Variants in CCSER1 observed in about 807,000 individuals in gnomAD.
The protein encoded by CCSER1 is coiled-coil serine rich protein 1, also known as serine-rich coiled-coil domain-containing protein 1.
In CCSER1, 41 loss-of-function variants were observed where a neutral mutation model predicts 82.0. That is an observed-to-expected ratio of 0.50 (90% CI 0.39 to 0.65). CCSER1 has a LOEUF of 0.65. Ranked by LOEUF, CCSER1 falls within the 30% of genes least tolerant of loss-of-function variation. CCSER1 has a pLI of 0.00. For synonymous variants in CCSER1, 414 were observed against 383.9 expected (o/e 1.08, Z -0.92); for missense variants, 1,119 against 1,064.2 (o/e 1.05, Z -0.72).
chr4:90,383,258 AC>A (rs1310413415), intron 3 of CCSER1, among the ~76,000 whole-genome samples: 3 of 152,194 alleles, frequency 2.0e-5, no homozygotes, highest in Non-Finnish European at 4.4e-5. Flanking sequence ...CTTAAAAAAA[AC>A]ATTTTGAAAC....
chr4:90,313,341 A>T (rs944462155), intron 3 of CCSER1, among the ~76,000 whole-genome samples: 1 of 152,162 alleles, frequency 6.6e-6, no homozygotes, highest in Non-Finnish European at 1.5e-5. Context: ...AATGCTGAAC[A>T]TGAGGCTCCC....
intron 9 of CCSER1, among the ~76,000 whole-genome samples, chr4:91,066,944 T>A (rs1720876657): frequency 6.6e-6 from 1 of 151,584 alleles, no homozygotes; most frequent in African/African-American, 2.4e-5. Context: ...GGCGGGCAGA[T>A]CACGAGGTCA....
intron 9 of CCSER1, among the ~76,000 whole-genome samples, chr4:90,948,877 G>GGCTAT (rs1326453160): frequency 2.8e-4 from 43 of 151,888 alleles, no homozygotes; most frequent in Non-Finnish European, 5.4e-4. Context: ...CTTAGGCTAT[G>GGCTAT]AACCATATAA....
At chr4:90,505,576 T>A (rs1215517896) in intron 5 of CCSER1, among the ~76,000 whole-genome samples, 4 of 152,188 alleles carry the variant, frequency 2.6e-5, no homozygotes, top group African/African-American at 9.6e-5. Context: ...TATGGTTTTT[T>A]TGATCATGTG....
At chr4:91,088,556 C>T (rs1723615491) in intron 10 of CCSER1, among the ~76,000 whole-genome samples, 1 of 152,016 alleles carries the variant, frequency 6.6e-6, no homozygotes, top group African/African-American at 2.4e-5. Context: ...TAGGTAACAC[C>T]TAAATTGCTA....
intron 6 of CCSER1, among the ~76,000 whole-genome samples, chr4:90,658,863 A>C (rs895252647): frequency 6.6e-6 from 1 of 152,214 alleles, no homozygotes; most frequent in Admixed American, 6.5e-5. Flanking sequence ...CAAACTAAAT[A>C]TCTTAGAATA....
rs764988635 is a variant in CCSER1, at chr4:90,392,868, C to T, written c.1510-7168C>T. On this transcript the variant is annotated intron_variant, in intron 3 of 10. Transcript: ENST00000509176. Reference sequence around the variant, plus strand: ...ATAAGGATTGAGTATGCTTTCTTAACGCAATCCAGAAATCAGAGCCAAATA... The same window carrying T: ...ATAAGGATTGAGTATGCTTTCTTAATGCAATCCAGAAATCAGAGCCAAATA... Among the ~76,000 whole-genome samples the T allele has an allele frequency of 6.1e-4, 92 of 152,062 alleles. 1 individual carries two copies. The highest frequency in any genetic ancestry group is 6.5e-4 in the Admixed American group (10 of 15,268).
intron 1 of CCSER1, among the ~76,000 whole-genome samples, chr4:90,192,460 A>AAT (rs1735831303): frequency 6.6e-6 from 1 of 152,020 alleles, no homozygotes; most frequent in Non-Finnish European, 1.5e-5. Context: ...TATGAGAAGC[A>AAT]ATATTTCACT....
intron 1 of CCSER1, among the ~76,000 whole-genome samples, chr4:90,177,369 A>AT (rs1457697686): frequency 6.6e-6 from 1 of 152,102 alleles, no homozygotes; most frequent in Non-Finnish European, 1.5e-5. Context: ...TATTTGAAAG[A>AT]TTCCTTAGAC....
At chr4:90,871,650 G>A (rs919554848) in intron 8 of CCSER1, among the ~76,000 whole-genome samples, 8 of 151,830 alleles carry the variant, frequency 5.3e-5, no homozygotes, top group African/African-American at 1.9e-4. Flanking sequence ...ACCATTGGAT[G>A]AAACATTCTG....
chr4:91,209,217 CTGAT>C (rs1736594988), intron 10 of CCSER1, among the ~76,000 whole-genome samples: 1 of 151,826 alleles, frequency 6.6e-6, no homozygotes, highest in Non-Finnish European at 1.5e-5. Flanking sequence ...TTTCATTTGC[CTGAT>C]TGCTCTGGCC....
rs183649625 is a variant in CCSER1 at position 90,813,415 on chromosome 4, G to A, written c.2011-2347G>A. On this transcript the variant is annotated intron_variant, in intron 7 of 10. Coordinates refer to ENST00000509176, the MANE Select transcript of CCSER1 (RefSeq NM_001145065.2). ...TGGCTCTGTGGGGTATATCCCCTGC[G>A]GCTCCTTTCACAGCCTGGTGGTGAG... Among the ~76,000 whole-genome samples the A allele has an allele frequency of 2.0e-4, 30 of 152,282 alleles. No homozygotes were observed. In the East Asian group the frequency reaches 2.9e-3, roughly 15 times the overall value.
At chr4:91,543,612 A>T (rs1578744965) in intron 10 of CCSER1, among the ~76,000 whole-genome samples, 1 of 152,110 alleles carries the variant, frequency 6.6e-6, no homozygotes, top group East Asian at 1.9e-4. Flanking sequence ...TTTCTTTAAG[A>T]ATGTTGAATA....
At chr4:90,311,211 A>T (rs1029731224) in intron 2 of CCSER1, among the ~76,000 whole-genome samples, 2 of 152,118 alleles carry the variant, frequency 1.3e-5, no homozygotes, top group African/African-American at 4.8e-5. Flanking sequence ...AAATCCAGGA[A>T]GTTTTAAAAT....
intron 6 of CCSER1, among the ~76,000 whole-genome samples, chr4:90,705,608 T>A (rs1242234438): frequency 1.3e-5 from 2 of 152,188 alleles, no homozygotes; most frequent in Admixed American, 6.5e-5. Flanking sequence ...CCTTGAGCTG[T>A]GGTGGTCTCC....
At chr4:91,095,900 A>G (rs977771823) in intron 10 of CCSER1, among the ~76,000 whole-genome samples, 4 of 152,132 alleles carry the variant, frequency 2.6e-5, no homozygotes, top group African/African-American at 7.2e-5. Context: ...CAGCTGGGAC[A>G]TGGTCCTCTA....
intron 2 of CCSER1, among the ~76,000 whole-genome samples, chr4:90,310,008 G>T (rs1735017341): frequency 6.6e-6 from 1 of 151,896 alleles, no homozygotes; most frequent in African/African-American, 2.4e-5. Context: ...TTAATGAAAT[G>T]GATATATTCC....
intron 10 of CCSER1, among the ~76,000 whole-genome samples, chr4:91,335,334 T>C (rs2149281043): frequency 6.6e-6 from 1 of 152,076 alleles, no homozygotes; most frequent in South Asian, 2.1e-4. Flanking sequence ...TCCTACCCTG[T>C]CCCCACATCC....
chr4:90,594,140 G>GA (rs1783025769), intron 5 of CCSER1, among the ~76,000 whole-genome samples: 1 of 149,412 alleles, frequency 6.7e-6, no homozygotes, highest in Non-Finnish European at 1.5e-5. Flanking sequence ...TTTTTCCCCA[G>GA]AAAAGGAAAA....
Sources: gnomAD v4.1 joint callset for allele counts (sites outside exome capture counted in the v4.1 genomes callset) on GRCh38, gnomAD v4.1.1 for gene constraint, MANE v1.5 for transcripts, NCBI Gene and HGNC (gene_info 2026-07-23, HGNC 2026-07-21) for gene names.